The following ATP8B4 variants were observed in gnomAD, a reference collection of about 807,000 sequenced individuals.
ATP8B4 encodes probable phospholipid-transporting ATPase IM.
In ATP8B4, 133 loss-of-function variants were observed where a neutral mutation model predicts 145.6. That is an observed-to-expected ratio of 0.91 (90% CI 0.79 to 1.05). The LOEUF (loss-of-function observed/expected upper bound fraction) is 1.05, where lower values mean the gene tolerates loss of function less well. Ranked by LOEUF, ATP8B4 falls within the 50% of genes least tolerant of loss-of-function variation. ATP8B4 has a pLI of 0.00. For synonymous variants in ATP8B4, 507 were observed against 492.9 expected (o/e 1.03, Z -0.38); for missense variants, 1,458 against 1,425.2 (o/e 1.02, Z -0.37).
chr15:50,074,470 C>T (rs2054051615), intron 2 of ATP8B4, among the ~76,000 whole-genome samples: 1 of 152,204 alleles, frequency 6.6e-6, no homozygotes, highest in South Asian at 2.1e-4. Context: ...AAGACCCTTT[C>T]TCTTAACTTC....
At position 50,098,051 on chromosome 15, in the gene ATP8B4, T is replaced by G. The variant is rs1017272742; in HGVS notation, c.28+8888A>C. 3.3e-5 allele frequency among the ~76,000 whole-genome samples: 5 copies of G among 152,144 alleles called. No homozygotes were observed. In the South Asian group the frequency reaches 1.0e-3, roughly 31 times the overall value. On this transcript the variant is annotated intron_variant, in intron 2 of 27. Transcript: ENST00000284509. Reference sequence around the variant, plus strand: ...CTTCTGACTCATGTTGTTTCTGTCATGCAACAATTGTGTTCACAAAGGACA... The same window carrying G: ...CTTCTGACTCATGTTGTTTCTGTCAGGCAACAATTGTGTTCACAAAGGACA...
At chr15:49,974,380 G>A (rs958646707) in intron 12 of ATP8B4, among the ~76,000 whole-genome samples, 10 of 145,920 alleles carry the variant, frequency 6.9e-5, no homozygotes, top group Non-Finnish European at 1.2e-4. Context: ...GTGAGCCACC[G>A]CACCCAGCCA....
At chr15:49,886,088 A>G (rs2036150642) in intron 23 of ATP8B4, among the ~76,000 whole-genome samples, 2 of 152,090 alleles carry the variant, frequency 1.3e-5, no homozygotes, top group African/African-American at 4.8e-5. Flanking sequence ...ACAATTATTT[A>G]TATGCTGGTT....
At chr15:50,147,154 G>A (rs1351900329) in intron 1 of ATP8B4, among the ~76,000 whole-genome samples, 1 of 152,134 alleles carries the variant, frequency 6.6e-6, no homozygotes, top group Non-Finnish European at 1.5e-5. Flanking sequence ...GGTGGCTCAC[G>A]CCTGTAATCC....
chr15:49,963,290 G>A (rs2044244791), intron 13 of ATP8B4, among the ~76,000 whole-genome samples: 1 of 152,142 alleles, frequency 6.6e-6, no homozygotes, highest in Non-Finnish European at 1.5e-5. Flanking sequence ...GCAAGGTTGT[G>A]GAGAGAAAGA....
chr15:49,990,495 A>T (rs1207011597), intron 9 of ATP8B4, among the ~76,000 whole-genome samples: 1 of 152,144 alleles, frequency 6.6e-6, no homozygotes, highest in Non-Finnish European at 1.5e-5. Context: ...AAGAGAAGAC[A>T]TGAAAGCAGA....
intron 6 of ATP8B4, among the ~76,000 whole-genome samples, chr15:50,024,583 G>T (rs780690116): frequency 6.6e-6 from 1 of 152,122 alleles, no homozygotes; most frequent in African/African-American, 2.4e-5. Flanking sequence ...ACTCTTCGTC[G>T]TCCAGGCAAT....
At chr15:49,953,121 C>T (rs2043242973) in intron 14 of ATP8B4, among the ~76,000 whole-genome samples, 1 of 152,074 alleles carries the variant, frequency 6.6e-6, no homozygotes, top group Non-Finnish European at 1.5e-5. Flanking sequence ...GGGCACCAAC[C>T]TGATGCCAGT....
chr15:49,928,471 A>G (rs1031781439), intron 16 of ATP8B4, among the ~76,000 whole-genome samples: 6 of 152,052 alleles, frequency 3.9e-5, no homozygotes, highest in Admixed American at 6.5e-5. Context: ...AGAAAAGTAG[A>G]TTGAGATCAG....
intron 5 of ATP8B4, among the ~76,000 whole-genome samples, chr15:50,040,048 G>A (rs1030829210): frequency 6.6e-6 from 1 of 152,160 alleles, no homozygotes; most frequent in Non-Finnish European, 1.5e-5. Context: ...TGATCTGAGT[G>A]CACAATTTGG....
chr15:49,919,210 A>G (rs1232801970), intron 18 of ATP8B4, among the ~76,000 whole-genome samples: 1 of 152,150 alleles, frequency 6.6e-6, no homozygotes, highest in Admixed American at 6.5e-5. Flanking sequence ...CTCAGATAAC[A>G]TGTTAGCGTG....
intron 14 of ATP8B4, among the ~76,000 whole-genome samples, chr15:49,952,514 G>A (rs370898102): frequency 4.6e-5 from 7 of 152,096 alleles, no homozygotes; most frequent in Admixed American, 1.3e-4. Flanking sequence ...TATATTTCAC[G>A]AACTTCTCAT....
intron 14 of ATP8B4, among the ~76,000 whole-genome samples, chr15:49,947,592 G>A (rs559493282): frequency 0.031 from 848 of 27,116 alleles, 11 homozygotes; most frequent in African/African-American, 0.23. Flanking sequence ...AAATTTCAAT[G>A]GTATTTTTTT....
chr15:50,084,413 C>T (rs2054760294), intron 2 of ATP8B4, among the ~76,000 whole-genome samples: 2 of 152,168 alleles, frequency 1.3e-5, no homozygotes, highest in South Asian at 2.1e-4. Context: ...GGCCACTTCT[C>T]AGGCCTCCTC....
At chr15:49,865,822 C>T (rs915368136) in intron 26 of ATP8B4, among the ~76,000 whole-genome samples, 10 of 152,168 alleles carry the variant, frequency 6.6e-5, no homozygotes, top group South Asian at 2.1e-4. Context: ...GCACAGCTGG[C>T]GCTTGAACCC....
intron 2 of ATP8B4, among the ~76,000 whole-genome samples, chr15:50,100,546 A>G (rs1037432656): frequency 2.0e-5 from 3 of 152,354 alleles, no homozygotes; most frequent in Non-Finnish European, 2.9e-5. Flanking sequence ...TTGTGGAGTG[A>G]CTAAATAAAT....
chr15:50,015,827 T>G (rs773992710), intron 6 of ATP8B4, among the ~76,000 whole-genome samples: 1 of 152,216 alleles, frequency 6.6e-6, no homozygotes, highest in Admixed American at 6.5e-5. Flanking sequence ...TTTTAAAGAA[T>G]GCAGATGTTT....
chr15:50,028,331 T>C (rs1157216040), intron 6 of ATP8B4, among the ~76,000 whole-genome samples: 1 of 152,206 alleles, frequency 6.6e-6, no homozygotes, highest in Non-Finnish European at 1.5e-5. Flanking sequence ...AGAACATGCC[T>C]AACATGGAAT....
chr15:50,127,127 C>A (rs754384801), intron 1 of ATP8B4, among the ~76,000 whole-genome samples: 7 of 152,182 alleles, frequency 4.6e-5, no homozygotes, highest in Non-Finnish European at 7.4e-5. Flanking sequence ...ATGTCTCCCC[C>A]TTTTTAGGTC....
Sources: gnomAD v4.1 joint callset for allele counts (sites outside exome capture counted in the v4.1 genomes callset) on GRCh38, gnomAD v4.1.1 for gene constraint, MANE v1.5 for transcripts, NCBI Gene and HGNC (gene_info 2026-07-23, HGNC 2026-07-21) for gene names.